ADGRV1: variants seen among roughly 807,000 people sequenced by gnomAD.
ADGRV1 encodes G-protein coupled receptor 98.
In ADGRV1, 359 loss-of-function variants were observed where a neutral mutation model predicts 596.2. The ratio of observed to expected loss-of-function variants is 0.60; its 90% CI spans 0.55 to 0.66. ADGRV1 has a LOEUF of 0.66. Ranked by LOEUF, ADGRV1 falls within the 30% of genes least tolerant of loss-of-function variation. The pLI is 0.00. For missense variants in ADGRV1, 7,274 were observed against 7,575.6 expected, an observed-to-expected ratio of 0.96 and a Z score of 1.48; for synonymous variants, 2,681 against 2,679.2, an observed-to-expected ratio of 1.00 and a Z score of -0.02.
At chr5:90,843,317 A>G (rs1765592958) in intron 78 of ADGRV1, among the ~76,000 whole-genome samples, 1 of 152,226 alleles carries the variant, frequency 6.6e-6, no homozygotes, top group Non-Finnish European at 1.5e-5. Context: ...GCAGACATAA[A>G]CATTCACATC....
At chr5:91,055,226 CCT>C (rs931724668) in intron 85 of ADGRV1, among the ~76,000 whole-genome samples, 22 of 151,750 alleles carry the variant, frequency 1.4e-4, no homozygotes, top group African/African-American at 4.4e-4. Flanking sequence ...TGGATTAAGA[CCT>C]CTGATAAGCT....
At chr5:90,896,949 A>T (rs758076262) in intron 83 of ADGRV1, among the ~76,000 whole-genome samples, 6 of 152,190 alleles carry the variant, frequency 3.9e-5, no homozygotes, top group African/African-American at 9.6e-5. Context: ...TGACCCACAG[A>T]GTGTAGACCA....
At chr5:91,054,434 A>G (rs1471315908) in intron 85 of ADGRV1, among the ~76,000 whole-genome samples, 1 of 152,194 alleles carries the variant, frequency 6.6e-6, no homozygotes, top group Non-Finnish European at 1.5e-5. Context: ...GATGCTATTT[A>G]CTGCTGCCTG....
intron 70 of ADGRV1, chr5:90,793,034 A>G (rs994824610): frequency 1.3e-5 from 2 of 152,320 alleles, no homozygotes; most frequent in Admixed American, 6.5e-5. Flanking sequence ...CTGGCTGGCA[A>G]TTGATTTTTT....
At chr5:90,770,180 AG>A (rs1289565351) in intron 59 of ADGRV1, among the ~76,000 whole-genome samples, 2 of 152,198 alleles carry the variant, frequency 1.3e-5, no homozygotes, top group Admixed American at 6.5e-5. Flanking sequence ...AAGATGAAGG[AG>A]GAGCAAAGGC....
rs1757992667 is a variant in ADGRV1, at chr5:90,774,303, G to C, written c.12403G>C (p.Gly4135Arg). The C allele has an allele frequency of 6.7e-7, 1 of 1,487,736 alleles. No individual in the cohort carries two copies. Among genetic ancestry groups the C allele is most frequent in the Admixed American group, 1.7e-5 (1 of 59,482 alleles). The allele number at this position is 1,487,736 out of a possible 1,614,324, so 92.2% of individuals were successfully genotyped here. The change falls in exon 60 of 90, where the codon GGT becomes CGT. Residue 4135 changes from glycine to arginine, a missense_variant and splice_region_variant. By Grantham distance (125) the Gly-to-Arg change is moderately radical. This residue lies in a region of ADGRV1 where 3,643 missense variants were observed against 3,809.2 expected (regional missense o/e 0.96). Transcript: ENST00000405460. ...TGAGGTAGAAATATCTCCAGTAAAAGGTAAGAGAAATTCACATTTTTGGAA... is the reference window on the plus strand; with the variant it reads ...TGAGGTAGAAATATCTCCAGTAAAACGTAAGAGAAATTCACATTTTTGGAA... ...IDEVEISPVK[G>R]SASIIIRGDK... is the part of the protein sequence containing the mutation.
intron 32 of ADGRV1, 40 bp from the exon 33 acceptor site, chr5:90,693,850 A>G: frequency 7.0e-7 from 1 of 1,418,742 alleles, no homozygotes; most frequent in Admixed American, 2.6e-5. Context: ...AATTACTTTG[A>G]GTGCTTAACC....
At chr5:90,963,898 A>G (rs150775055) in intron 83 of ADGRV1, among the ~76,000 whole-genome samples, 11 of 151,654 alleles carry the variant, frequency 7.3e-5, no homozygotes, top group African/African-American at 2.7e-4. Context: ...AATATCAATT[A>G]TAGTAATAAA....
chr5:90,881,380 G>A (rs1201161284), intron 83 of ADGRV1, among the ~76,000 whole-genome samples: 1 of 152,184 alleles, frequency 6.6e-6, no homozygotes, highest in African/African-American at 2.4e-5. Flanking sequence ...GCTTGACATT[G>A]TGTGGTGAAG....
At chr5:90,608,733 A>G (rs1159295650) in intron 1 of ADGRV1, among the ~76,000 whole-genome samples, 3 of 152,082 alleles carry the variant, frequency 2.0e-5, no homozygotes, top group African/African-American at 7.2e-5. Flanking sequence ...AGAAGAAAAC[A>G]TGGGATTAAC....
chr5:91,100,243 G>A (rs1439366645), intron 86 of ADGRV1, among the ~76,000 whole-genome samples: 2 of 152,066 alleles, frequency 1.3e-5, no homozygotes, highest in African/African-American at 2.4e-5. Context: ...GCAACATGGC[G>A]AAACCCCATC....
intron 85 of ADGRV1, among the ~76,000 whole-genome samples, chr5:91,054,322 A>C (rs1190296251): frequency 2.0e-5 from 3 of 152,170 alleles, no homozygotes; most frequent in Non-Finnish European, 4.4e-5. Context: ...TTTTTTAGGC[A>C]CATCAGTTAA....
intron 85 of ADGRV1, among the ~76,000 whole-genome samples, chr5:91,014,218 G>A (rs181126542): frequency 1.1e-3 from 152 of 141,510 alleles, no homozygotes; most frequent in Non-Finnish European, 1.8e-3. Flanking sequence ...GAACTCCCGG[G>A]GCTGAAGCCT....
chr5:90,563,537 C>G (rs973512735), intron 1 of ADGRV1, among the ~76,000 whole-genome samples: 5 of 152,200 alleles, frequency 3.3e-5, no homozygotes, highest in African/African-American at 1.2e-4. Context: ...CATACAATAG[C>G]TTCAAATAAA....
At chr5:90,937,391 T>C (rs920608382) in intron 83 of ADGRV1, among the ~76,000 whole-genome samples, 1 of 152,060 alleles carries the variant, frequency 6.6e-6, no homozygotes, top group Non-Finnish European at 1.5e-5. Flanking sequence ...CCTTCATTAA[T>C]TCACCCTTTG....
chr5:90,676,958 A>T (rs188410814), intron 25 of ADGRV1: 29 of 152,338 alleles, frequency 1.9e-4, no homozygotes, highest in African/African-American at 6.7e-4. Flanking sequence ...GGCTATTGAT[A>T]ATATGTATCC....
In ADGRV1 at chr5:91,107,422, GTTTTGT is replaced by G. The variant is rs141924606; in HGVS notation, c.18432+5117_18432+5122del. Among the ~76,000 whole-genome samples, 359 of 150,678 alleles carry G rather than the reference GTTTTGT, an allele frequency of 2.4e-3. 1 individual carries two copies. The highest frequency in any genetic ancestry group is 6.5e-3 in the African/African-American group (266 of 40,902). On this transcript the variant is annotated intron_variant, in intron 87 of 89. Transcript: ENST00000405460. ...GGGAGGAGTAGGAATGTTTCGTTTT[GTTTTGT>G]TTTTGTTTTTGTTTTTGTTTTTGTT...
At chr5:90,663,523 G>A (rs1310412325) in intron 21 of ADGRV1, among the ~76,000 whole-genome samples, 1 of 151,652 alleles carries the variant, frequency 6.6e-6, no homozygotes, top group East Asian at 1.9e-4. Context: ...CCCTTTGTCA[G>A]ATGAGTAGGT....
At chr5:90,827,992 C>A (rs2150317296) in intron 76 of ADGRV1, among the ~76,000 whole-genome samples, 1 of 152,156 alleles carries the variant, frequency 6.6e-6, no homozygotes, top group East Asian at 1.9e-4. Flanking sequence ...GTAAAGGCAT[C>A]AGCTTAGCTC....
Sources: gnomAD v4.1 joint callset for allele counts (sites outside exome capture counted in the v4.1 genomes callset) on GRCh38, gnomAD v4.1.1 for gene constraint, gnomAD v4.1.1 regional missense constraint, MANE v1.5 for transcripts, NCBI Gene and HGNC (gene_info 2026-07-23, HGNC 2026-07-21) for gene names.